GRIA1: variants seen among roughly 807,000 people sequenced by gnomAD.
The protein encoded by GRIA1 is glutamate ionotropic receptor AMPA type subunit 1.
GRIA1 carries 31 observed loss-of-function variants against 99.2 expected under a neutral mutation model. The ratio of observed to expected loss-of-function variants is 0.31; its 90% CI spans 0.23 to 0.42. The LOEUF is 0.42. Among genes scored for constraint, GRIA1 ranks in the 10% least tolerant of loss-of-function variants. The pLI, the probability that GRIA1 is intolerant of heterozygous loss-of-function variation, is 1.00. For synonymous variants in GRIA1, 438 were observed against 432.4 expected, an observed-to-expected ratio of 1.01 and a Z score of -0.16; for missense variants, 782 against 1,157.5, an observed-to-expected ratio of 0.68 and a Z score of 4.71.
At chr5:153,738,793 G>A (rs1561816700) in intron 11 of GRIA1, among the ~76,000 whole-genome samples, 1 of 145,458 alleles carries the variant, frequency 6.9e-6, no homozygotes, top group Non-Finnish European at 1.5e-5. Flanking sequence ...TGCGATCTCG[G>A]CTCACCGCAA....
intron 2 of GRIA1, among the ~76,000 whole-genome samples, chr5:153,600,115 G>A (rs1764779541): frequency 6.6e-6 from 1 of 152,092 alleles, no homozygotes; most frequent in Non-Finnish European, 1.5e-5. Context: ...GTCTGGACCC[G>A]GCGCGGTGGC....
chr5:153,545,013 T>C (rs1412153083), intron 2 of GRIA1, among the ~76,000 whole-genome samples: 1 of 152,226 alleles, frequency 6.6e-6, no homozygotes, highest in African/African-American at 2.4e-5. Context: ...TCTTCTGTTA[T>C]GACATACAAT....
chr5:153,557,062 A>C (rs1372008053), intron 2 of GRIA1, among the ~76,000 whole-genome samples: 3 of 152,226 alleles, frequency 2.0e-5, no homozygotes, highest in African/African-American at 7.2e-5. Context: ...GGTACAGTTA[A>C]AATATAATAT....
chr5:153,794,781 C>A, intron 14 of GRIA1, 46 bp downstream of exon 14: 1 of 1,125,902 alleles, frequency 8.9e-7, no homozygotes, highest in Non-Finnish European at 1.3e-6. Flanking sequence ...TATGAAATAG[C>A]ATGGCTGGTA....
intron 13 of GRIA1, 37 bp downstream of exon 13, chr5:153,770,452 TC>T: frequency 6.3e-7 from 1 of 1,589,526 alleles, no homozygotes; most frequent in African/African-American, 1.3e-5. Flanking sequence ...GTACTCCCTC[TC>T]CCCTCCCTAT....
chr5:153,492,442 G>T, intron 1 of GRIA1: 1 of 825,572 alleles, frequency 1.2e-6, no homozygotes, highest in Non-Finnish European at 1.7e-6. Context: ...TTGCAGAGGA[G>T]GAGAAAGGGG....
rs1754951606 is a variant in GRIA1, at chr5:153,656,383, T to TATATATATATATATA, written c.699+511_699+512insATATATATATATATA. ...TTCTATATGGCATAGATAAGTTTGT[T>TATATATATATATATA]TATATATATATATATATATATATAT... On this transcript the variant is annotated intron_variant, in intron 5 of 15. Transcript: ENST00000285900. 9.7e-5 allele frequency among the ~76,000 whole-genome samples: 9 copies of TATATATATATATATA among 92,658 alleles called. No homozygotes were observed. In the South Asian group the frequency reaches 1.0e-3, roughly 11 times the overall value. The allele number at this position is 92,658 out of a possible 152,430, so 60.8% of individuals were successfully genotyped here.
intron 12 of GRIA1, among the ~76,000 whole-genome samples, chr5:153,768,678 T>A (rs149467185): frequency 6.6e-6 from 1 of 152,306 alleles, no homozygotes; most frequent in East Asian, 1.9e-4. Context: ...TGACGTGCGC[T>A]AATATCAAGG....
At chr5:153,496,702 A>C (rs1250887828) in intron 2 of GRIA1, among the ~76,000 whole-genome samples, 3 of 152,326 alleles carry the variant, frequency 2.0e-5, no homozygotes, top group Non-Finnish European at 2.9e-5. Flanking sequence ...TGAGTAAAAA[A>C]TGTCAGTGGG....
At chr5:153,580,661 T>C (rs546718606) in intron 2 of GRIA1, among the ~76,000 whole-genome samples, 5 of 152,216 alleles carry the variant, frequency 3.3e-5, no homozygotes, top group Non-Finnish European at 5.9e-5. Flanking sequence ...TCTACTCAGA[T>C]GCAGGATGTT....
At chr5:153,732,708 T>C (rs1354585985) in intron 11 of GRIA1, among the ~76,000 whole-genome samples, 1 of 152,062 alleles carries the variant, frequency 6.6e-6, no homozygotes, top group African/African-American at 2.4e-5. Context: ...CTTTGATGTA[T>C]GGAAACTTTT....
intron 5 of GRIA1, among the ~76,000 whole-genome samples, chr5:153,662,588 G>T (rs753505899): frequency 6.6e-6 from 1 of 152,102 alleles, no homozygotes; most frequent in South Asian, 2.1e-4. Flanking sequence ...AGAATCCAGC[G>T]GAGTGAGAGC....
chr5:153,493,968 T>C lies in GRIA1; in HGVS notation c.123T>C (p.Ala41=). ...FPNQQSQEHA[A]FRFALSQLTE... The stretch of plus-strand genomic sequence containing the variant: ...ACCAGCAGTCACAGGAACATGCTGC[T>C]TTTAGATTTGCTTTGTCGCAACTCA... The change falls in exon 2 of 16, where the codon GCT becomes GCC. Residue 41 remains alanine, a synonymous_variant. Transcript: ENST00000285900. 1.2e-6 allele frequency: 2 copies of C among 1,614,108 alleles called. No homozygotes were observed. Among genetic ancestry groups the C allele is most frequent in the Non-Finnish European group, 1.7e-6 (2 of 1,179,968 alleles).
intron 2 of GRIA1, among the ~76,000 whole-genome samples, chr5:153,594,274 AAG>A (rs1467153375): frequency 6.6e-6 from 1 of 152,130 alleles, no homozygotes; most frequent in Non-Finnish European, 1.5e-5. Context: ...CTTCAGTTTT[AAG>A]AGATTTTCTT....
chr5:153,635,303 T>A (rs1264195732), intron 2 of GRIA1, among the ~76,000 whole-genome samples: 4 of 152,214 alleles, frequency 2.6e-5, no homozygotes, highest in African/African-American at 7.2e-5. Flanking sequence ...GGTTCATTCG[T>A]GAACCAGCAG....
chr5:153,573,522 A>T (rs1448131434), intron 2 of GRIA1, among the ~76,000 whole-genome samples: 1 of 152,146 alleles, frequency 6.6e-6, no homozygotes, highest in Non-Finnish European at 1.5e-5. Flanking sequence ...GATATGTGGA[A>T]AGATACCAAA....
At position 153,813,732 on chromosome 5, in the gene GRIA1, T is replaced by A. The variant is rs2149686719; in HGVS notation, c.*2507T>A. The stretch of plus-strand genomic sequence containing the variant: ...TTTGTTTTAACTCTCTTGGCAGATG[T>A]GTGAAAGGATTCTTGCTTGATCAAA... On this transcript the variant is annotated 3_prime_UTR_variant, in exon 16 of 16. Transcript: ENST00000285900. 6.6e-6 allele frequency: 1 copy of A among 152,360 alleles called. No homozygotes were observed. The highest frequency in any genetic ancestry group is 3.4e-3 in the Middle Eastern group (1 of 294). 9.4% of individuals were successfully genotyped at this position (152,360 alleles called of 1,614,324 possible).
At chr5:153,593,375 C>A (rs1276577858) in intron 2 of GRIA1, among the ~76,000 whole-genome samples, 1 of 152,134 alleles carries the variant, frequency 6.6e-6, no homozygotes, top group Non-Finnish European at 1.5e-5. Context: ...GTAGGGGGCA[C>A]AAACATGGAG....
intron 8 of GRIA1, among the ~76,000 whole-genome samples, chr5:153,687,030 C>G (rs1415246775): frequency 1.3e-5 from 2 of 149,700 alleles, no homozygotes; most frequent in Non-Finnish European, 3.0e-5. Context: ...CTGCCTGGGA[C>G]TTCCTCCCCC....
Sources: allele counts gnomAD v4.1 joint callset (sites outside exome capture counted in the v4.1 genomes callset), GRCh38; gene constraint gnomAD v4.1.1; transcripts MANE v1.5; gene names NCBI Gene and HGNC (gene_info 2026-07-23, HGNC 2026-07-21).